MTUS2: variants seen among roughly 807,000 people sequenced by gnomAD.
MTUS2 encodes microtubule associated scaffold protein 2.
MTUS2 carries 40 observed loss-of-function variants against 114.1 expected under a neutral mutation model. That is an observed-to-expected ratio of 0.35 (90% CI 0.27 to 0.46). MTUS2 has a LOEUF of 0.46. MTUS2 is among the 20% of genes least tolerant of loss of function. The pLI, the probability that MTUS2 is intolerant of heterozygous loss-of-function variation, is 1.00. For synonymous variants in MTUS2, 688 were observed against 672.0 expected (o/e 1.02, Z -0.37); for missense variants, 1,679 against 1,705.4 (o/e 0.98, Z 0.27).
intron 2 of MTUS2, among the ~76,000 whole-genome samples, chr13:28,876,071 C>CT (rs932158588): frequency 3.9e-5 from 6 of 152,210 alleles, no homozygotes; most frequent in Non-Finnish European, 7.3e-5. Flanking sequence ...GGTAGCTCCT[C>CT]TAATTTTCTG....
Position 29,000,006 on chromosome 13 carries a change from T to C in MTUS2, c.-242-24451T>C, listed in dbSNP as rs544355362. On this transcript the variant is annotated intron_variant, in intron 2 of 15. Coordinates refer to ENST00000612955, the MANE Select transcript of MTUS2 (RefSeq NM_001033602.4). Reference sequence around the variant, plus strand: ...CATTGTGTATATCTACCACATTTTCTGTATCCATTTATCTGTTGATGGATA... The same window carrying C: ...CATTGTGTATATCTACCACATTTTCCGTATCCATTTATCTGTTGATGGATA... 7.2e-5 allele frequency among the ~76,000 whole-genome samples: 11 copies of C among 152,384 alleles called. No homozygotes were observed. In the East Asian group the frequency reaches 1.9e-3, roughly 27 times the overall value.
intron 6 of MTUS2, among the ~76,000 whole-genome samples, chr13:29,291,349 C>T (rs1898705615): frequency 6.6e-6 from 1 of 152,230 alleles, no homozygotes; most frequent in African/African-American, 2.4e-5. Context: ...TGGCCCAAAT[C>T]TACCAAGAAA....
At chr13:28,833,188 A>G (rs1418533845) in intron 1 of MTUS2, among the ~76,000 whole-genome samples, 1 of 152,172 alleles carries the variant, frequency 6.6e-6, no homozygotes, top group Non-Finnish European at 1.5e-5. Context: ...TCAAGAAGGT[A>G]GACAAGGAGG....
intron 4 of MTUS2, among the ~76,000 whole-genome samples, chr13:29,091,697 G>A (rs1889959356): frequency 6.6e-6 from 1 of 152,122 alleles, no homozygotes; most frequent in Non-Finnish European, 1.5e-5. Flanking sequence ...ATACAGATAG[G>A]TCCAGACTGA....
chr13:29,014,222 G>A (rs186471529), intron 2 of MTUS2, among the ~76,000 whole-genome samples: 105 of 152,306 alleles, frequency 6.9e-4, no homozygotes, highest in African/African-American at 2.4e-3. Context: ...CTGTGACAGG[G>A]CCTACCTGTG....
intron 5 of MTUS2, among the ~76,000 whole-genome samples, chr13:29,123,226 T>C (rs1326665713): frequency 6.6e-6 from 1 of 152,200 alleles, no homozygotes; most frequent in East Asian, 1.9e-4. Flanking sequence ...CTGTTCTTTT[T>C]TTAAATTATT....
chr13:29,435,674 A>G (rs533362885), intron 8 of MTUS2, among the ~76,000 whole-genome samples: 4 of 152,332 alleles, frequency 2.6e-5, no homozygotes, highest in Admixed American at 2.0e-4. Flanking sequence ...AGTCACAGCT[A>G]TTGACTCATT....
chr13:29,232,151 T>A (rs1162409677), intron 5 of MTUS2, among the ~76,000 whole-genome samples: 2 of 152,140 alleles, frequency 1.3e-5, no homozygotes, highest in African/African-American at 4.8e-5. Flanking sequence ...TATTTCCAGA[T>A]CTTCTGCTTT....
intron 6 of MTUS2, among the ~76,000 whole-genome samples, chr13:29,297,686 T>A (rs1899009549): frequency 6.6e-6 from 1 of 152,232 alleles, no homozygotes; most frequent in South Asian, 2.1e-4. Flanking sequence ...CTGAGGTCTG[T>A]TTACACTTGT....
At chr13:29,223,449 A>G (rs1173206785) in intron 5 of MTUS2, among the ~76,000 whole-genome samples, 1 of 152,138 alleles carries the variant, frequency 6.6e-6, no homozygotes, top group Non-Finnish European at 1.5e-5. Flanking sequence ...AGACTTCAGG[A>G]CAACCTGCCC....
chr13:29,038,951 C>A (rs1263482176), intron 4 of MTUS2, among the ~76,000 whole-genome samples: 1 of 152,230 alleles, frequency 6.6e-6, no homozygotes, highest in East Asian at 1.9e-4. Flanking sequence ...GCCACCACTT[C>A]ATGTAGGCCA....
Position 28,885,480 on chromosome 13 carries a change from G to C in MTUS2, c.-243+45630G>C, listed in dbSNP as rs75280467. Among the ~76,000 whole-genome samples, 424 of 152,320 alleles carry C rather than the reference G, an allele frequency of 2.8e-3. 2 individuals carry two copies. In the East Asian group the frequency reaches 0.034, roughly 12 times the overall value. ...GGGAAAATTGAAGCCTGGAAACACT[G>C]AGTACCTTTCCCAAGGTTAGACAGC... On this transcript the variant is annotated intron_variant, in intron 2 of 15. Coordinates refer to ENST00000612955, the MANE Select transcript of MTUS2 (RefSeq NM_001033602.4).
At chr13:29,090,200 G>A (rs1889875771) in intron 4 of MTUS2, among the ~76,000 whole-genome samples, 1 of 152,168 alleles carries the variant, frequency 6.6e-6, no homozygotes, top group Non-Finnish European at 1.5e-5. Context: ...GTGGGCAAAG[G>A]CTCAGTCAGT....
intron 2 of MTUS2, among the ~76,000 whole-genome samples, chr13:29,021,822 G>A (rs566194631): frequency 2.0e-5 from 3 of 152,208 alleles, no homozygotes; most frequent in Non-Finnish European, 2.9e-5. Context: ...AGACACAAGG[G>A]TTTGTTGAGA....
At chr13:28,856,574 A>G (rs375955629) in intron 2 of MTUS2, among the ~76,000 whole-genome samples, 3 of 152,212 alleles carry the variant, frequency 2.0e-5, no homozygotes, top group East Asian at 1.9e-4. Flanking sequence ...TCACTTTGCC[A>G]GCAACAACAG....
At chr13:28,889,882 C>T (rs1373625489) in intron 2 of MTUS2, among the ~76,000 whole-genome samples, 1 of 152,042 alleles carries the variant, frequency 6.6e-6, no homozygotes, top group Non-Finnish European at 1.5e-5. Context: ...CAGATCTGTT[C>T]CACTGTAATG....
intron 5 of MTUS2, among the ~76,000 whole-genome samples, chr13:29,137,318 T>G (rs1892020469): frequency 6.6e-6 from 1 of 152,212 alleles, no homozygotes; most frequent in Admixed American, 6.5e-5. Flanking sequence ...TGTTTCTTGG[T>G]GTGGGCCTCT....
chr13:29,159,154 T>C (rs1223973058), intron 5 of MTUS2, among the ~76,000 whole-genome samples: 1 of 152,220 alleles, frequency 6.6e-6, no homozygotes, highest in Non-Finnish European at 1.5e-5. Context: ...AGTTTATATA[T>C]ACATGTGTTA....
At chr13:28,855,831 T>G (rs1431872848) in intron 2 of MTUS2, among the ~76,000 whole-genome samples, 1 of 152,156 alleles carries the variant, frequency 6.6e-6, no homozygotes, top group Non-Finnish European at 1.5e-5. Context: ...TGGTTCTAGG[T>G]CTTTGAGGGA....
Sources: gnomAD v4.1 joint callset for allele counts (sites outside exome capture counted in the v4.1 genomes callset) on GRCh38, gnomAD v4.1.1 for gene constraint, MANE v1.5 for transcripts, NCBI Gene and HGNC (gene_info 2026-07-23, HGNC 2026-07-21) for gene names.